Variants in NRXN3 observed in about 807,000 individuals in gnomAD.
NRXN3 encodes neurexin 3, also known as neurexin III.
NRXN3 carries 32 observed loss-of-function variants against 137.6 expected under a neutral mutation model. The observed-to-expected ratio is 0.23, with a 90% confidence interval of 0.18 to 0.31. NRXN3 has a LOEUF of 0.31. Among genes scored for constraint, NRXN3 ranks in the 10% least tolerant of loss-of-function variants. NRXN3 has a pLI of 1.00. For synonymous variants in NRXN3, 798 were observed against 784.5 expected (o/e 1.02, Z -0.29); for missense variants, 1,574 against 2,062.5 (o/e 0.76, Z 4.59).
chr14:78,569,574 T>A (rs2096870695), intron 4 of NRXN3, among the ~76,000 whole-genome samples: 1 of 151,016 alleles, frequency 6.6e-6, no homozygotes. Flanking sequence ...CGCCTTTTAT[T>A]TTTTTTTGAG....
chr14:78,284,634 A>G, intron 3 of NRXN3, among the ~76,000 whole-genome samples: 1 of 152,130 alleles, frequency 6.6e-6, no homozygotes, highest in East Asian at 1.9e-4. Flanking sequence ...AAAACGGAAA[A>G]TCAACCCACC....
intron 1 of NRXN3, among the ~76,000 whole-genome samples, chr14:78,230,137 G>A (rs1038401618): frequency 3.3e-5 from 5 of 151,904 alleles, no homozygotes; most frequent in East Asian, 1.9e-4. Flanking sequence ...TGATCCTCCC[G>A]CCTCAGCTTC....
At position 79,812,923 on chromosome 14, in the gene NRXN3, G is replaced by A. The variant is rs182886435; in HGVS notation, c.4093+7733G>A. ...TAAAGAGGGATTGGGTTTTAAAAGA[G>A]AAGTTTTTATGGGATTTATTCTTTT... On this transcript the variant is annotated intron_variant, in intron 20 of 20. Transcript: ENST00000335750. Among the ~76,000 whole-genome samples the A allele has an allele frequency of 2.5e-4, 38 of 152,226 alleles. No homozygotes were observed. In the East Asian group the frequency reaches 6.9e-3, roughly 28 times the overall value.
At chr14:79,552,083 G>A (rs2097378440) in intron 16 of NRXN3, among the ~76,000 whole-genome samples, 1 of 152,182 alleles carries the variant, frequency 6.6e-6, no homozygotes, top group Admixed American at 6.5e-5. Flanking sequence ...TCAATTTGTT[G>A]ATAAGAGTGC....
intron 2 of NRXN3, among the ~76,000 whole-genome samples, chr14:78,257,811 G>T (rs1414512354): frequency 3.3e-5 from 5 of 152,172 alleles, no homozygotes; most frequent in African/African-American, 1.2e-4. Context: ...AGTCAGATTT[G>T]AATTTTAGAA....
At chr14:79,745,569 A>T (rs1435810982) in intron 19 of NRXN3, among the ~76,000 whole-genome samples, 1 of 152,180 alleles carries the variant, frequency 6.6e-6, no homozygotes, top group Admixed American at 6.6e-5. Context: ...TCAATCCACA[A>T]GACATGATGG....
At chr14:79,523,386 G>A (rs1243202963) in intron 16 of NRXN3, among the ~76,000 whole-genome samples, 1 of 152,168 alleles carries the variant, frequency 6.6e-6, no homozygotes, top group Non-Finnish European at 1.5e-5. Context: ...ATATACAAAA[G>A]AGATGAGGCA....
intron 19 of NRXN3, among the ~76,000 whole-genome samples, chr14:79,804,083 T>G (rs2099193841): frequency 6.6e-6 from 1 of 151,704 alleles, no homozygotes; most frequent in African/African-American, 2.4e-5. Flanking sequence ...CTCTTCCTCT[T>G]GAATTTGGAT....
At chr14:79,448,769 G>A (rs117685138) in intron 15 of NRXN3, among the ~76,000 whole-genome samples, 3,582 of 152,078 alleles carry the variant, frequency 0.024, 62 homozygotes, top group Middle Eastern at 0.065. Context: ...ACATACATTC[G>A]TATACATGCG....
intron 4 of NRXN3, among the ~76,000 whole-genome samples, chr14:78,547,115 A>G (rs917265972): frequency 2.0e-5 from 3 of 152,028 alleles, no homozygotes; most frequent in Admixed American, 6.6e-5. Context: ...TGATCTTTTC[A>G]TCTATTCCTA....
At chr14:79,560,375 T>G (rs2097479911) in intron 16 of NRXN3, among the ~76,000 whole-genome samples, 1 of 151,958 alleles carries the variant, frequency 6.6e-6, no homozygotes, top group South Asian at 2.1e-4. Flanking sequence ...AAAGTACAAA[T>G]TCTGGTCCTG....
intron 6 of NRXN3, among the ~76,000 whole-genome samples, chr14:78,676,686 A>G (rs1475742172): frequency 6.6e-6 from 1 of 152,190 alleles, no homozygotes; most frequent in Non-Finnish European, 1.5e-5. Context: ...ATGTAGATAA[A>G]AAGCCTTCTA....
intron 15 of NRXN3, among the ~76,000 whole-genome samples, chr14:79,400,816 G>A (rs2095171463): frequency 6.6e-6 from 1 of 152,180 alleles, no homozygotes; most frequent in South Asian, 2.1e-4. Context: ...GGTGGCTATT[G>A]TGAATTGGGC....
chr14:78,935,043 C>T (rs951959551), intron 10 of NRXN3, among the ~76,000 whole-genome samples: 1 of 152,062 alleles, frequency 6.6e-6, no homozygotes, highest in African/African-American at 2.4e-5. Context: ...CCTGGGCCTA[C>T]GGTTATGGCT....
intron 3 of NRXN3, chr14:78,281,987 A>G: frequency 2.6e-6 from 1 of 384,790 alleles, no homozygotes; most frequent in Non-Finnish European, 5.3e-6. Context: ...TTGAACAAGA[A>G]GTATGGCCAC....
chr14:79,601,706 A>T (rs546030828), intron 16 of NRXN3, among the ~76,000 whole-genome samples: 1 of 152,186 alleles, frequency 6.6e-6, no homozygotes, highest in Admixed American at 6.5e-5. Flanking sequence ...GTAACCTTAG[A>T]AGTCACTTTC....
intron 2 of NRXN3, among the ~76,000 whole-genome samples, chr14:78,251,153 G>C (rs1263316935): frequency 6.6e-6 from 1 of 152,128 alleles, no homozygotes; most frequent in East Asian, 1.9e-4. Context: ...CTTACCTTTG[G>C]TTTCCCAGGT....
chr14:79,487,716 A>C (rs1472388779), intron 16 of NRXN3, among the ~76,000 whole-genome samples: 1 of 151,444 alleles, frequency 6.6e-6, no homozygotes, highest in Non-Finnish European at 1.5e-5. Context: ...CTGTGTTACA[A>C]CCTTAGTAGC....
At chr14:79,002,647 T>C (rs1427297857) in intron 15 of NRXN3, among the ~76,000 whole-genome samples, 1 of 152,196 alleles carries the variant, frequency 6.6e-6, no homozygotes, top group Non-Finnish European at 1.5e-5. Context: ...ATTCCCTGTA[T>C]TTGCTAATGT....
Sources: allele counts gnomAD v4.1 joint callset (sites outside exome capture counted in the v4.1 genomes callset), GRCh38; gene constraint gnomAD v4.1.1; transcripts MANE v1.5; gene names NCBI Gene and HGNC (gene_info 2026-07-23, HGNC 2026-07-21).